The following AKR1C3 variants were observed in gnomAD, a reference collection of about 807,000 sequenced individuals.
AKR1C3 encodes the protein aldo-keto reductase family 1 member C3.
AKR1C3 carries 48 observed loss-of-function variants against 43.6 expected under a neutral mutation model. The ratio of observed to expected loss-of-function variants is 1.10; its 90% CI spans 0.87 to 1.40. The LOEUF (loss-of-function observed/expected upper bound fraction) is 1.40, where lower values mean the gene tolerates loss of function less well. Among genes scored for constraint, AKR1C3 ranks in the 40% most tolerant of loss-of-function variants. The probability of loss-of-function intolerance (pLI) is 0.00; values close to 1 mark genes in which losing one functional copy is unlikely to be tolerated. For missense variants in AKR1C3, 482 were observed against 391.2 expected (o/e 1.23, Z -1.96); for synonymous variants, 162 against 139.6 (o/e 1.16, Z -1.13).
chr10:5,097,660 CAGA>C (rs782610864), intron 3 of AKR1C3, 110 bp downstream of exon 3: 13 of 1,585,608 alleles, frequency 8.2e-6, no homozygotes, highest in African/African-American at 4.1e-5. Flanking sequence ...GATTATCACA[CAGA>C]AGAAGAACCG....
chr10:5,052,139 G>A (rs1233298937), intron 1 of AKR1C3, among the ~76,000 whole-genome samples: 1 of 152,118 alleles, frequency 6.6e-6, no homozygotes, highest in Non-Finnish European at 1.5e-5. Context: ...GCATGGTCGC[G>A]TTGGCTCAGG....
chr10:5,096,453 A>C lies in AKR1C3; in HGVS notation c.128A>C (p.Glu43Ala), dbSNP rs923270652. Reference protein sequence around the residue: ...KALEVTKLAIEAGFRHIDSAH... With the variant: ...KALEVTKLAIAAGFRHIDSAH... ...TTGGAGGTCACAAAATTAGCAATAGAAGCTGGGTTCCGCCATATAGATTCT... is the reference window on the plus strand; with the variant it reads ...TTGGAGGTCACAAAATTAGCAATAGCAGCTGGGTTCCGCCATATAGATTCT... The change falls in exon 2 of 9, where the codon GAA (glutamate) becomes GCA (alanine). Residue 43 changes from glutamate to alanine, a missense_variant. Transcript: ENST00000380554. The C allele has an allele frequency of 6.2e-7, 1 of 1,613,742 alleles. No homozygotes were observed. Among genetic ancestry groups the C allele is most frequent in the Admixed American group, 1.7e-5 (1 of 60,012 alleles).
At chr10:5,098,680 C>A in intron 3 of AKR1C3, 122 bp from the exon 4 acceptor site, 1 of 762,372 alleles carries the variant, frequency 1.3e-6, no homozygotes. Context: ...GCACATATCA[C>A]TTTCTGGAGC....
intron 1 of AKR1C3, among the ~76,000 whole-genome samples, chr10:5,058,386 A>G (rs909887386): frequency 6.6e-6 from 1 of 152,128 alleles, no homozygotes; most frequent in African/African-American, 2.4e-5. Context: ...CCCATCAAAG[A>G]GAGAATATTG....
At chr10:5,100,243 G>A (rs1213638648) in intron 5 of AKR1C3, among the ~76,000 whole-genome samples, 4 of 152,108 alleles carry the variant, frequency 2.6e-5, no homozygotes, top group Non-Finnish European at 4.4e-5. Flanking sequence ...GCGGTGAGCC[G>A]AGGTCACGCC....
intron 1 of AKR1C3, among the ~76,000 whole-genome samples, chr10:5,088,707 T>C (rs746155163): frequency 2.6e-5 from 4 of 151,834 alleles, no homozygotes; most frequent in African/African-American, 4.8e-5. Flanking sequence ...TTAGACCTAA[T>C]GGTAGATCTC....
intron 1 of AKR1C3, among the ~76,000 whole-genome samples, chr10:5,095,955 A>G (rs1839197677): frequency 6.6e-6 from 1 of 152,300 alleles, no homozygotes; most frequent in South Asian, 2.1e-4. Flanking sequence ...CTGAGACACC[A>G]AAGAACATCT....
At chr10:5,105,118 G>C (rs1839466199) in intron 7 of AKR1C3, among the ~76,000 whole-genome samples, 1 of 152,152 alleles carries the variant, frequency 6.6e-6, no homozygotes, top group Non-Finnish European at 1.5e-5. Flanking sequence ...GAAATTGTTA[G>C]TAATTAGACA....
chr10:5,079,749 T>C (rs1426632150), intron 1 of AKR1C3, among the ~76,000 whole-genome samples: 1 of 152,038 alleles, frequency 6.6e-6, no homozygotes, highest in Admixed American at 6.5e-5. Context: ...CCCTATTCTC[T>C]CTGTAGCCTC....
At chr10:5,106,705 G>GTTGGAA (rs1839508216) in intron 8 of AKR1C3, among the ~76,000 whole-genome samples, 1 of 149,680 alleles carries the variant, frequency 6.7e-6, no homozygotes, top group Non-Finnish European at 1.5e-5. Flanking sequence ...AGTGAGCTGA[G>GTTGGAA]ATCACACCAC....
intron 5 of AKR1C3, among the ~76,000 whole-genome samples, chr10:5,100,840 T>A (rs576045946): frequency 2.9e-4 from 44 of 152,324 alleles, no homozygotes; most frequent in Non-Finnish European, 5.4e-4. Context: ...AACATAACCA[T>A]TTATATTCAA....
At chr10:5,099,640 T>C (rs1326911677) in intron 5 of AKR1C3, 191 bp downstream of exon 5, 50 of 1,020,258 alleles carry the variant, frequency 4.9e-5, no homozygotes, top group Non-Finnish European at 7.0e-5. Context: ...AGGGAAAAAT[T>C]GGAATGAGTT....
intron 1 of AKR1C3, among the ~76,000 whole-genome samples, chr10:5,071,512 G>A (rs1041163846): frequency 6.6e-6 from 1 of 152,146 alleles, no homozygotes; most frequent in African/African-American, 2.4e-5. Flanking sequence ...CAGTGGCACG[G>A]ATTCTCTTCT....
chr10:5,074,217 CGACCACGTTGGACACATATCCTCAG>C (rs1468234556), intron 1 of AKR1C3, among the ~76,000 whole-genome samples: 2 of 152,128 alleles, frequency 1.3e-5, no homozygotes, highest in Admixed American at 1.3e-4. Flanking sequence ...AGCTGTGCCC[CGACCACGTTGGACACATATCCTCAG>C]GACCTCCTGA....
intron 1 of AKR1C3, among the ~76,000 whole-genome samples, chr10:5,064,135 A>G (rs1297720935): frequency 6.6e-6 from 1 of 152,214 alleles, no homozygotes; most frequent in African/African-American, 2.4e-5. Context: ...AATTTTAACT[A>G]TAGTTCTCTT....
At chr10:5,084,171 G>A (rs566549332) in intron 1 of AKR1C3, among the ~76,000 whole-genome samples, 6 of 152,166 alleles carry the variant, frequency 3.9e-5, no homozygotes, top group Non-Finnish European at 7.3e-5. Context: ...GTCCTGAATG[G>A]TATTGCCTAG....
chr10:5,059,693 G>A (rs1838339858), intron 1 of AKR1C3, among the ~76,000 whole-genome samples: 1 of 152,130 alleles, frequency 6.6e-6, no homozygotes, highest in Non-Finnish European at 1.5e-5. Context: ...AGGAAAAGTA[G>A]GACAGAATAG....
intron 2 of AKR1C3, among the ~76,000 whole-genome samples, chr10:5,097,124 CTG>C (rs1332575691): frequency 6.6e-6 from 1 of 152,068 alleles, no homozygotes; most frequent in Non-Finnish European, 1.5e-5. Flanking sequence ...AAGAATTAGA[CTG>C]TTAAAATGAG....
intron 1 of AKR1C3, among the ~76,000 whole-genome samples, chr10:5,073,866 A>C (rs112720061): frequency 0.022 from 3,361 of 152,170 alleles, 124 homozygotes; most frequent in African/African-American, 0.076. Flanking sequence ...TTGAGCTTGA[A>C]GGAAACCAAA....
Sources: gnomAD v4.1 joint callset for allele counts (sites outside exome capture counted in the v4.1 genomes callset) on GRCh38, gnomAD v4.1.1 for gene constraint, MANE v1.5 for transcripts, NCBI Gene and HGNC (gene_info 2026-07-23, HGNC 2026-07-21) for gene names.